Variants in MAGI1 observed in about 807,000 individuals in gnomAD.
The protein encoded by MAGI1 is membrane-associated guanylate kinase, WW and PDZ domain-containing protein 1.
A neutral mutation model predicts 139.9 loss-of-function variants in MAGI1; 58 were observed. The observed-to-expected ratio is 0.41, with a 90% CI of 0.34 to 0.52. The LOEUF (loss-of-function observed/expected upper bound fraction) is 0.52. Among genes scored for constraint, MAGI1 ranks in the 20% least tolerant of loss-of-function variants. The pLI is 0.12. For synonymous variants in MAGI1, 812 were observed against 737.9 expected (o/e 1.10, Z -1.63); for missense variants, 1,874 against 1,901.6 (o/e 0.99, Z 0.27).
At chr3:66,028,410 A>C (rs979849623) in intron 1 of MAGI1, among the ~76,000 whole-genome samples, 16 of 152,192 alleles carry the variant, frequency 1.1e-4, no homozygotes, top group African/African-American at 1.7e-4. Flanking sequence ...TTCAACTGGG[A>C]GAACTGATGT....
chr3:65,414,010 C>T (rs1046728940), intron 12 of MAGI1, among the ~76,000 whole-genome samples: 1 of 152,160 alleles, frequency 6.6e-6, no homozygotes, highest in African/African-American at 2.4e-5. Context: ...AACTTTCTCA[C>T]TGTGGAAAAT....
chr3:65,539,431 T>C (rs73128998), intron 2 of MAGI1, among the ~76,000 whole-genome samples: 1,628 of 152,212 alleles, frequency 0.011, 16 homozygotes, highest in Non-Finnish European at 0.015. Context: ...GAAACACATA[T>C]CAGCTACTGT....
intron 1 of MAGI1, among the ~76,000 whole-genome samples, chr3:65,815,506 AATTCGTCATTGGATAT>A (rs1368240399): frequency 6.6e-6 from 1 of 152,094 alleles, no homozygotes; most frequent in Non-Finnish European, 1.5e-5. Flanking sequence ...TTCCCACCTT[AATTCGTCATTGGATAT>A]ATTAAAGAAA....
At chr3:65,598,329 G>A (rs1329128153) in intron 2 of MAGI1, among the ~76,000 whole-genome samples, 3 of 152,168 alleles carry the variant, frequency 2.0e-5, no homozygotes, top group South Asian at 4.1e-4. Context: ...CGGGAAATAG[G>A]GTTGCCCCAT....
chr3:65,401,336 AAC>A, intron 13 of MAGI1, 101 bp downstream of exon 13: 1 of 1,428,934 alleles, frequency 7.0e-7, no homozygotes, highest in Non-Finnish European at 9.6e-7. Flanking sequence ...TCCACTGTAA[AAC>A]ACATTTAGTG....
At chr3:66,036,582 C>T (rs946913366) in intron 1 of MAGI1, among the ~76,000 whole-genome samples, 3 of 152,162 alleles carry the variant, frequency 2.0e-5, no homozygotes, top group African/African-American at 7.2e-5. Flanking sequence ...ATACAAGGAG[C>T]TTTCCATAGC....
chr3:65,924,731 T>C (rs561069000), intron 1 of MAGI1, among the ~76,000 whole-genome samples: 25 of 152,316 alleles, frequency 1.6e-4, no homozygotes, highest in African/African-American at 4.3e-4. Flanking sequence ...CCCTCGCTGC[T>C]CCATGCTTCA....
intron 2 of MAGI1, chr3:65,549,561 T>C: frequency 1.2e-6 from 1 of 820,966 alleles, no homozygotes; most frequent in Non-Finnish European, 1.5e-6. Flanking sequence ...TCGGCCAGGG[T>C]GTCCCCAGCC....
chr3:66,036,143 T>C (rs2068906288), intron 1 of MAGI1, among the ~76,000 whole-genome samples: 1 of 152,210 alleles, frequency 6.6e-6, no homozygotes, highest in Non-Finnish European at 1.5e-5. Flanking sequence ...TATCAAGTCA[T>C]AATTATCCAG....
intron 12 of MAGI1, among the ~76,000 whole-genome samples, chr3:65,426,541 T>C (rs1400604559): frequency 2.0e-5 from 3 of 152,180 alleles, no homozygotes; most frequent in Non-Finnish European, 2.9e-5. Context: ...ATCAGTCATC[T>C]TACTAGCAGT....
intron 1 of MAGI1, among the ~76,000 whole-genome samples, chr3:66,015,299 G>C (rs2067570650): frequency 2.0e-5 from 3 of 151,362 alleles, no homozygotes; most frequent in Non-Finnish European, 4.4e-5. Context: ...ATATATAAAA[G>C]ACCTGGATAT....
intron 1 of MAGI1, among the ~76,000 whole-genome samples, chr3:65,627,485 CTTTTTTTTTTTTTTTTTTTTTTTTTTTT>C (rs779588733): frequency 1.8e-4 from 5 of 28,322 alleles, no homozygotes; most frequent in Non-Finnish European, 2.8e-4. Context: ...ATTTCTGTAT[CTTTTTTTTTTTTTTTTTTTTTTTTTTTT>C]TTTTTTTTTT....
chr3:66,019,550 C>T (rs937488093), intron 1 of MAGI1, among the ~76,000 whole-genome samples: 1 of 152,166 alleles, frequency 6.6e-6, no homozygotes, highest in African/African-American at 2.4e-5. Context: ...ATTACTTCAC[C>T]TCTCTAAGAC....
At chr3:65,371,218 C>T (rs1941958368) in intron 18 of MAGI1, among the ~76,000 whole-genome samples, 1 of 152,112 alleles carries the variant, frequency 6.6e-6, no homozygotes, top group Non-Finnish European at 1.5e-5. Context: ...TGTCTAAATC[C>T]ATACACAAAG....
At chr3:65,997,250 A>G (rs1236238800) in intron 1 of MAGI1, among the ~76,000 whole-genome samples, 1 of 152,170 alleles carries the variant, frequency 6.6e-6, no homozygotes, top group East Asian at 1.9e-4. Context: ...GATCCAAACC[A>G]CTAAAACCTC....
intron 1 of MAGI1, among the ~76,000 whole-genome samples, chr3:65,856,999 C>T (rs923424214): frequency 1.3e-5 from 2 of 152,198 alleles, no homozygotes; most frequent in Non-Finnish European, 2.9e-5. Flanking sequence ...AACCAATACA[C>T]CCTGACGGCC....
chr3:65,443,681 G>GT (rs534908298), intron 7 of MAGI1, among the ~76,000 whole-genome samples: 4,598 of 151,666 alleles, frequency 0.03, 88 homozygotes, highest in African/African-American at 0.042. Flanking sequence ...CTAGGTTGTG[G>GT]GTTTTTTTTG....
intron 1 of MAGI1, among the ~76,000 whole-genome samples, chr3:65,869,404 T>C (rs1470155078): frequency 7.0e-6 from 1 of 143,282 alleles, no homozygotes; most frequent in Non-Finnish European, 1.5e-5. Context: ...GTTGTTGTTG[T>C]TGTTGTTGTT....
At chr3:65,783,159 T>TAA (rs56958950) in intron 1 of MAGI1, among the ~76,000 whole-genome samples, 4,550 of 150,230 alleles carry the variant, frequency 0.03, 84 homozygotes, top group Middle Eastern at 0.045. Context: ...CAGAATGTAT[T>TAA]AAAAAAAAAC....
Sources: gnomAD v4.1 joint callset for allele counts (sites outside exome capture counted in the v4.1 genomes callset) on GRCh38, gnomAD v4.1.1 for gene constraint, MANE v1.5 for transcripts, NCBI Gene and HGNC (gene_info 2026-07-23, HGNC 2026-07-21) for gene names.